The following BDP1 variants were observed in gnomAD, a reference collection of about 807,000 sequenced individuals.
BDP1 encodes BDP1 general transcription factor IIIB subunit, also known as transcription factor TFIIIB component B'' homolog.
BDP1 carries 169 observed loss-of-function variants against 266.6 expected under a neutral mutation model. That is an observed-to-expected ratio of 0.63 (90% CI 0.56 to 0.72). The LOEUF is 0.72. Ranked by LOEUF, BDP1 falls within the 30% of genes least tolerant of loss-of-function variation. BDP1 has a pLI of 0.00. For synonymous variants in BDP1, 1,090 were observed against 1,022.4 expected (o/e 1.07, Z -1.26); for missense variants, 3,015 against 3,053.8 (o/e 0.99, Z 0.30).
At chr5:71,555,705 A>C (rs6453021) in intron 35 of BDP1, among the ~76,000 whole-genome samples, 139,625 of 152,174 alleles carry the variant, frequency 0.92, 64,241 homozygotes, top group East Asian at 0.99. Context: ...TTGCAAAGTG[A>C]TGGGATATTA....
Position 71,456,056 on chromosome 5 carries a change from G to A in BDP1, c.179G>A (p.Gly60Glu), listed in dbSNP as rs1326793762. 1 of 1,613,250 alleles carries A rather than the reference G, an allele frequency of 6.2e-7. No individual in the cohort carries two copies. Among genetic ancestry groups the A allele is most frequent in the African/African-American group, 1.3e-5 (1 of 74,956 alleles). Residue 60 changes from glycine to glutamate, a missense_variant, in exon 1 of 39, where the codon GGA becomes GAA. Gly to Glu is a moderately conservative substitution (Grantham distance 98, BLOSUM62 -2). Coordinates refer to ENST00000358731, the MANE Select transcript of BDP1 (RefSeq NM_018429.3). Reference protein sequence around the residue: ...PTDVPTVDFGGAEPQEKAPRS... With the variant: ...PTDVPTVDFGEAEPQEKAPRS... ...GATGTGCCCACAGTCGATTTCGGTG[G>A]AGCGGAGCCCCAAGAAAAGGCTCCT...
At chr5:71,491,242 A>G (rs1412437296) in intron 11 of BDP1, 111 bp downstream of exon 11, 7 of 1,008,224 alleles carry the variant, frequency 6.9e-6, no homozygotes, top group African/African-American at 1.7e-5. Context: ...TTTCAGTTCT[A>G]TTTGTTTTTG....
chr5:71,506,823 A>ACACACACACCCC (rs377599570), intron 16 of BDP1, among the ~76,000 whole-genome samples: 2 of 141,726 alleles, frequency 1.4e-5, no homozygotes, highest in Non-Finnish European at 3.1e-5. Context: ...ACACACACAC[A>ACACACACACCCC]CCCATATTTT....
chr5:71,457,849 C>T (rs1761294517), intron 1 of BDP1, among the ~76,000 whole-genome samples: 1 of 152,102 alleles, frequency 6.6e-6, no homozygotes, highest in South Asian at 2.1e-4. Context: ...TAATTATTGA[C>T]TTATACCACC....
chr5:71,478,938 C>CCTCGTGA (rs1762763912), intron 7 of BDP1, among the ~76,000 whole-genome samples: 1 of 152,124 alleles, frequency 6.6e-6, no homozygotes, highest in East Asian at 1.9e-4. Context: ...AGTTCACTGA[C>CCTCGTGA]TCTGTCTTTT....
At chr5:71,471,397 C>G (rs1762243327) in intron 7 of BDP1, among the ~76,000 whole-genome samples, 3 of 152,116 alleles carry the variant, frequency 2.0e-5, no homozygotes, top group Non-Finnish European at 4.4e-5. Context: ...CCACCTTGGC[C>G]TCCCACCAAG....
intron 10 of BDP1, 147 bp from the exon 11 acceptor site, chr5:71,490,836 TA>T: frequency 1.4e-6 from 1 of 715,938 alleles, no homozygotes; most frequent in African/African-American, 1.8e-5. Flanking sequence ...TATTATGGTC[TA>T]AAAATAAGAT....
chr5:71,549,153 G>A (rs752920042), intron 33 of BDP1, among the ~76,000 whole-genome samples: 7 of 152,274 alleles, frequency 4.6e-5, no homozygotes, highest in Middle Eastern at 3.4e-3. Context: ...CACAAGAATC[G>A]CTTGAACCCA....
intron 22 of BDP1, among the ~76,000 whole-genome samples, chr5:71,519,078 C>T (rs1248861188): frequency 6.6e-6 from 1 of 152,016 alleles, no homozygotes; most frequent in Non-Finnish European, 1.5e-5. Context: ...CCTCAGCCTC[C>T]CAAAGTGCTG....
intron 1 of BDP1, 106 bp downstream of exon 1, chr5:71,456,195 AG>A (rs1374383416): frequency 4.5e-6 from 5 of 1,117,110 alleles, no homozygotes; most frequent in Non-Finnish European, 5.1e-6. Context: ...TCTCGTTTGC[AG>A]TAAGCCTTTC....
chr5:71,559,495 G>T (rs969563541), intron 36 of BDP1, among the ~76,000 whole-genome samples: 1 of 152,182 alleles, frequency 6.6e-6, no homozygotes, highest in African/African-American at 2.4e-5. Flanking sequence ...GAAAGCTTTA[G>T]TTATTTTGTC....
In BDP1 at chr5:71,567,093, T is replaced by G. The variant is rs1256096172; in HGVS notation, c.*2208T>G. The G allele has an allele frequency of 6.6e-6, 1 of 152,236 alleles. No individual in the cohort carries two copies. Among genetic ancestry groups the G allele is most frequent in the Non-Finnish European group, 1.5e-5 (1 of 68,040 alleles). The allele number at this position is 152,236 out of a possible 1,614,324, so 9.4% of individuals were successfully genotyped here. A position where few individuals can be genotyped will look rare whatever the true frequency, so the allele number is the denominator to read the frequency against. On this transcript the variant is annotated 3_prime_UTR_variant, in exon 39 of 39. Coordinates refer to ENST00000358731, the MANE Select transcript of BDP1 (RefSeq NM_018429.3). Reference sequence around the variant, plus strand: ...GTAGGCATTTATTTCATGATTGATATGTCACAGAAATCATGGTAGTAAATC... The same window carrying G: ...GTAGGCATTTATTTCATGATTGATAGGTCACAGAAATCATGGTAGTAAATC...
At chr5:71,495,519 T>TTAATA in intron 12 of BDP1, 111 bp downstream of exon 12, 1 of 608,468 alleles carries the variant, frequency 1.6e-6, no homozygotes, top group African/African-American at 1.9e-5. Flanking sequence ...CATACTTTAT[T>TTAATA]AATAGTAGAG....
intron 7 of BDP1, among the ~76,000 whole-genome samples, chr5:71,474,119 A>G (rs1259907864): frequency 2.6e-5 from 4 of 151,554 alleles, no homozygotes; most frequent in Non-Finnish European, 5.9e-5. Flanking sequence ...AGCTGGGACT[A>G]CAGGCGCCCA....
At chr5:71,552,397 C>T (rs1368880036) in intron 34 of BDP1, among the ~76,000 whole-genome samples, 12 of 152,204 alleles carry the variant, frequency 7.9e-5, no homozygotes, top group African/African-American at 2.9e-4. Context: ...GGCAGAGGGG[C>T]TCCTCACATC....
At chr5:71,557,874 A>G (rs1484672937) in intron 36 of BDP1, among the ~76,000 whole-genome samples, 1 of 152,026 alleles carries the variant, frequency 6.6e-6, no homozygotes, top group Non-Finnish European at 1.5e-5. Context: ...TACCCTGAAA[A>G]TTAGTTTAGT....
At chr5:71,557,824 C>T (rs532850221) in intron 36 of BDP1, among the ~76,000 whole-genome samples, 1 of 152,258 alleles carries the variant, frequency 6.6e-6, no homozygotes, top group African/African-American at 2.4e-5. Context: ...AAGCATGAGC[C>T]ACCACCTGTG....
chr5:71,500,488 G>A (rs1234683391), intron 13 of BDP1, among the ~76,000 whole-genome samples: 1 of 151,668 alleles, frequency 6.6e-6, no homozygotes, highest in African/African-American at 2.4e-5. Context: ...ACCATGCCCG[G>A]CTAATTTTTT....
Position 71,521,570 on chromosome 5 carries a change from G to A in BDP1, c.4992-719G>A, listed in dbSNP as rs372083512. ...GCGTCCCAAAGTGCTGGGATTACAGGCGTGAGCCACCGTGCCTGGTCTCTA... is the reference window on the plus strand; with the variant it reads ...GCGTCCCAAAGTGCTGGGATTACAGACGTGAGCCACCGTGCCTGGTCTCTA... On this transcript the variant is annotated intron_variant, in intron 22 of 38. Transcript: ENST00000358731. Among the ~76,000 whole-genome samples, 15 of 152,212 alleles carry A rather than the reference G, an allele frequency of 9.9e-5. 1 individual carries two copies. The highest frequency in any genetic ancestry group is 3.6e-4 in the African/African-American group (15 of 41,546).
Sources: gnomAD v4.1 joint callset for allele counts (sites outside exome capture counted in the v4.1 genomes callset) on GRCh38, gnomAD v4.1.1 for gene constraint, MANE v1.5 for transcripts, NCBI Gene and HGNC (gene_info 2026-07-23, HGNC 2026-07-21) for gene names.